Variants in CSMD3 observed in about 807,000 individuals in gnomAD.
CSMD3 encodes CUB and Sushi multiple domains 3.
Under a neutral mutation model 435.2 loss-of-function variants are expected in CSMD3, and 177 were observed. The ratio of observed to expected loss-of-function variants is 0.41; its 90% CI spans 0.36 to 0.46. CSMD3 has a LOEUF of 0.46. CSMD3 is among the 20% of genes least tolerant of loss of function. The pLI, the probability that CSMD3 is intolerant of heterozygous loss-of-function variation, is 0.34. For synonymous variants in CSMD3, 1,656 were observed against 1,520.5 expected (o/e 1.09, Z -2.07); for missense variants, 4,265 against 4,504.6 (o/e 0.95, Z 1.52).
intron 10 of CSMD3, among the ~76,000 whole-genome samples, chr8:112,916,257 C>A (rs1587662342): frequency 6.6e-6 from 1 of 151,800 alleles, no homozygotes; most frequent in African/African-American, 2.4e-5. Flanking sequence ...TGGAAGGGCA[C>A]CCTTGAAATG....
intron 19 of CSMD3, 148 bp from the exon 20 acceptor site, chr8:112,645,373 G>A (rs7012820): frequency 0.016 from 10,877 of 693,306 alleles, 435 homozygotes; most frequent in African/African-American, 0.1. Flanking sequence ...CAGCACTAGA[G>A]AAGAAAAGTG....
chr8:113,189,932 C>G (rs1005182444), intron 3 of CSMD3, among the ~76,000 whole-genome samples: 13 of 151,738 alleles, frequency 8.6e-5, no homozygotes, highest in Admixed American at 8.6e-4. Context: ...GCTTTAAAAA[C>G]ATAATTAAAT....
chr8:112,585,758 A>C (rs1830675955), intron 23 of CSMD3, among the ~76,000 whole-genome samples: 1 of 151,636 alleles, frequency 6.6e-6, no homozygotes, highest in African/African-American at 2.4e-5. Flanking sequence ...TCTGCATTAC[A>C]GAGTAGTAGC....
chr8:113,356,964 T>C (rs144345434), intron 1 of CSMD3, among the ~76,000 whole-genome samples: 2 of 152,234 alleles, frequency 1.3e-5, no homozygotes, highest in African/African-American at 4.8e-5. Context: ...ATTTTTAAAG[T>C]CCTGGATATT....
At chr8:112,917,131 C>T (rs2082597349) in intron 10 of CSMD3, among the ~76,000 whole-genome samples, 1 of 151,868 alleles carries the variant, frequency 6.6e-6, no homozygotes, top group South Asian at 2.1e-4. Flanking sequence ...ATATTGATAA[C>T]TGTCCTCTTT....
intron 1 of CSMD3, among the ~76,000 whole-genome samples, chr8:113,353,003 T>A (rs2094199864): frequency 6.6e-6 from 1 of 152,110 alleles, no homozygotes; most frequent in African/African-American, 2.4e-5. Context: ...AATTGCAAGC[T>A]AAAATGATGG....
intron 4 of CSMD3, among the ~76,000 whole-genome samples, chr8:113,125,699 A>C (rs1411168034): frequency 6.6e-6 from 1 of 151,954 alleles, no homozygotes; most frequent in Non-Finnish European, 1.5e-5. Flanking sequence ...AACTAAATAA[A>C]GAAAGTGTTT....
chr8:112,263,527 T>C (rs1391534223), intron 61 of CSMD3, 112 bp downstream of exon 61: 5 of 826,410 alleles, frequency 6.1e-6, no homozygotes, highest in Non-Finnish European at 1.0e-5. Context: ...TGGTAAATAC[T>C]GATTTTTCTT....
At chr8:112,654,149 G>T (rs2072823809) in intron 18 of CSMD3, among the ~76,000 whole-genome samples, 1 of 152,036 alleles carries the variant, frequency 6.6e-6, no homozygotes, top group African/African-American at 2.4e-5. Flanking sequence ...CAATGAATTT[G>T]ATTAAAAAAA....
At chr8:112,855,809 C>CTTTTTTTTTTT (rs34885472) in intron 11 of CSMD3, among the ~76,000 whole-genome samples, 1 of 135,572 alleles carries the variant, frequency 7.4e-6, no homozygotes, top group Non-Finnish European at 1.6e-5. Flanking sequence ...CTTAGCGAAG[C>CTTTTTTTTTTT]TTTTTTTTTT....
chr8:113,349,745 A>G (rs1431979369), intron 1 of CSMD3, among the ~76,000 whole-genome samples: 2 of 152,166 alleles, frequency 1.3e-5, no homozygotes, highest in Admixed American at 1.3e-4. Context: ...AGAAAGGAGA[A>G]TATCTACTTT....
Position 112,301,882 on chromosome 8 carries a change from G to C in CSMD3, c.8351C>G (p.Thr2784Ser), listed in dbSNP as rs772574758. ...QTSYGSTAIF[T>S]CDLGFMLVGS... ...CACAAGCATGAATCCCAAGTCGCAG[G>C]TAAAGATAGCTGTTGAGCCATATGA... The change falls in exon 53 of 71, where the codon ACC becomes AGC. Residue 2784 changes from threonine to serine, a missense_variant. Around this residue, in one of 3 missense-constraint regions of CSMD3, gnomAD observed 3,255 missense variants for 3,380.2 expected, o/e 0.96. Transcript: ENST00000297405. 8.7e-6 allele frequency: 14 copies of C among 1,613,464 alleles called. No homozygotes were observed. In the South Asian group the frequency reaches 9.9e-5, roughly 11 times the overall value.
chr8:112,255,484 A>G, intron 61 of CSMD3, 57 bp from the exon 62 acceptor site: 3 of 1,461,008 alleles, frequency 2.1e-6, no homozygotes, highest in Non-Finnish European at 2.9e-6. Context: ...CAGAGTACAC[A>G]GTTTGGAAAA....
intron 17 of CSMD3, among the ~76,000 whole-genome samples, chr8:112,663,428 T>A (rs999956899): frequency 2.2e-5 from 3 of 136,138 alleles, no homozygotes; most frequent in African/African-American, 5.6e-5. Context: ...TAGGTGGGAA[T>A]TGAACGCTGA....
At chr8:112,954,660 G>T (rs781178141) in intron 8 of CSMD3, 24 bp downstream of exon 8, 1 of 1,487,242 alleles carries the variant, frequency 6.7e-7, no homozygotes. Context: ...ACTAGAGAAA[G>T]TAACAAAAAA....
chr8:112,296,513 G>A (rs992553939), intron 53 of CSMD3, among the ~76,000 whole-genome samples: 10 of 150,698 alleles, frequency 6.6e-5, no homozygotes, highest in Admixed American at 2.7e-4. Flanking sequence ...TCGCGCCACC[G>A]CACTCCAGCC....
intron 4 of CSMD3, among the ~76,000 whole-genome samples, chr8:113,173,416 G>C (rs1479122819): frequency 4.6e-5 from 7 of 151,956 alleles, no homozygotes. Context: ...CCACCTTCTG[G>C]GTTCAAGCAA....
At chr8:113,377,770 G>T (rs2094395202) in intron 1 of CSMD3, among the ~76,000 whole-genome samples, 4 of 152,102 alleles carry the variant, frequency 2.6e-5, no homozygotes, top group Admixed American at 2.6e-4. Flanking sequence ...CTAAAAATAA[G>T]CTTTCAACCC....
chr8:112,810,827 T>G (rs2132385267), intron 12 of CSMD3, among the ~76,000 whole-genome samples: 1 of 152,194 alleles, frequency 6.6e-6, no homozygotes, highest in East Asian at 1.9e-4. Flanking sequence ...ATTTAGATAT[T>G]TGAGTTCTAG....
Sources: allele counts gnomAD v4.1 joint callset (sites outside exome capture counted in the v4.1 genomes callset), GRCh38; gene constraint gnomAD v4.1.1; regional missense constraint gnomAD v4.1.1; transcripts MANE v1.5; gene names NCBI Gene and HGNC (gene_info 2026-07-23, HGNC 2026-07-21).